The following SLF1 variants were observed in gnomAD, a reference collection of about 807,000 sequenced individuals.
SLF1 encodes the protein SMC5/6 complex localization factor 1.
SLF1 carries 105 observed loss-of-function variants against 123.0 expected under a neutral mutation model. That is an observed-to-expected ratio of 0.85 (90% confidence interval 0.73 to 1.00). The LOEUF is 1.00. SLF1 is among the 50% of genes least tolerant of loss of function. The pLI is 0.00. For synonymous variants in SLF1, 434 were observed against 406.6 expected (o/e 1.07, Z -0.81); for missense variants, 1,239 against 1,223.0 (o/e 1.01, Z -0.20).
chr5:94,682,052 G>T (rs531577266), intron 15 of SLF1, among the ~76,000 whole-genome samples: 3 of 152,224 alleles, frequency 2.0e-5, no homozygotes, highest in Admixed American at 2.0e-4. Context: ...GTGTGCACAT[G>T]TATACATTTG....
At chr5:94,666,159 A>T in intron 12 of SLF1, 135 bp downstream of exon 12, 1 of 806,996 alleles carries the variant, frequency 1.2e-6, no homozygotes, top group Non-Finnish European at 1.8e-6. Context: ...TATGTATTGT[A>T]TTTATTGCAA....
Position 94,695,082 on chromosome 5 carries a change from T to C in SLF1, c.2947T>C (p.Leu983=). 6.2e-7 allele frequency: 1 copy of C among 1,612,690 alleles called. No individual in the cohort carries two copies. The highest frequency in any genetic ancestry group is 8.5e-7 in the Non-Finnish European group (1 of 1,179,174). Residue 983 remains leucine (L), a synonymous_variant, in exon 21 of 21, where the codon TTA becomes CTA. Coordinates refer to ENST00000265140, the MANE Select transcript of SLF1 (RefSeq NM_032290.4). ...SSEFILASKG[L]THLNELLMAC... is the part of the protein sequence containing the mutation. The stretch of plus-strand genomic sequence containing the variant: ...AGAGTTCATTTTAGCTTCCAAAGGG[T>C]TAACTCATCTAAATGAACTGCTTAT...
At chr5:94,667,788 G>T (rs1749973982) in intron 12 of SLF1, among the ~76,000 whole-genome samples, 1 of 152,038 alleles carries the variant, frequency 6.6e-6, no homozygotes, top group Non-Finnish European at 1.5e-5. Flanking sequence ...ACACTCTGTT[G>T]CCCAGACTGG....
At chr5:94,626,520 A>G (rs531950665) in intron 1 of SLF1, among the ~76,000 whole-genome samples, 2 of 152,284 alleles carry the variant, frequency 1.3e-5, no homozygotes, top group African/African-American at 4.8e-5. Flanking sequence ...GTTAAAATAC[A>G]TTGTACCTCT....
At position 94,654,622 on chromosome 5, in the gene SLF1, A is replaced by T; in HGVS notation, c.1033-8A>T. On this transcript the variant is annotated splice_polypyrimidine_tract_variant and splice_region_variant and intron_variant, in intron 8 of 20. Transcript: ENST00000265140. ...TTTTCTAAAGTCATTTTACTTTGCT[A>T]TATGCAGAAAGAAATGAAGAATTCT... is the stretch of plus-strand genomic sequence containing the variant. 1.3e-6 allele frequency: 2 copies of T among 1,530,524 alleles called. No homozygotes were observed. Among genetic ancestry groups the T allele is most frequent in the Non-Finnish European group, 1.8e-6 (2 of 1,136,906 alleles). 94.8% of individuals were successfully genotyped at this position (1,530,524 alleles called of 1,614,324 possible). A position where few individuals can be genotyped will look rare whatever the true frequency, so the allele number is the denominator to read the frequency against.
At chr5:94,636,638 T>C (rs1001815721) in intron 4 of SLF1, among the ~76,000 whole-genome samples, 8 of 152,090 alleles carry the variant, frequency 5.3e-5, no homozygotes, top group Non-Finnish European at 1.2e-4. Flanking sequence ...TTTGTCAGAC[T>C]TCTTGTTTTG....
chr5:94,670,030 T>C, intron 12 of SLF1, 121 bp from the exon 13 acceptor site: 7 of 1,046,064 alleles, frequency 6.7e-6, no homozygotes, highest in Non-Finnish European at 9.1e-6. Flanking sequence ...TTTGTTGAAC[T>C]TTCTATTTTA....
At chr5:94,623,854 A>T (rs542541071) in intron 1 of SLF1, among the ~76,000 whole-genome samples, 1 of 152,156 alleles carries the variant, frequency 6.6e-6, no homozygotes, top group African/African-American at 2.4e-5. Flanking sequence ...TTTTATAAAT[A>T]AATCAATCAG....
At chr5:94,647,262 G>A (rs545086814) in intron 5 of SLF1, among the ~76,000 whole-genome samples, 1 of 152,268 alleles carries the variant, frequency 6.6e-6, no homozygotes, top group South Asian at 2.1e-4. Context: ...AAGCATCAGG[G>A]TATAAGTACA....
chr5:94,628,705 A>G (rs950197070), intron 1 of SLF1, 106 bp from the exon 2 acceptor site: 3 of 578,870 alleles, frequency 5.2e-6, no homozygotes, highest in Non-Finnish European at 8.5e-6. Flanking sequence ...AATTCATTGT[A>G]TGTTTAATAG....
rs933054858 is a variant in SLF1, at chr5:94,669,786, C to T, written c.1533-365C>T. Among the ~76,000 whole-genome samples the T allele has an allele frequency of 3.3e-5, 5 of 151,836 alleles. No homozygotes were observed. In the East Asian group the frequency reaches 9.7e-4, roughly 29 times the overall value. ...TGGGTAAGAAAGAGGAGGATTCTGG[C>T]GAGTATTATAAATTGAGAGGTTAGC... On this transcript the variant is annotated intron_variant, in intron 12 of 20. Transcript: ENST00000265140.
Position 94,623,017 on chromosome 5 carries a change from G to A in SLF1, c.-1+4252G>A, listed in dbSNP as rs757779212. On this transcript the variant is annotated intron_variant, in intron 1 of 20. Transcript: ENST00000265140. ...CTTTTGTATTCATATCTGTATTCCT[G>A]TCTTTCCTTGTCTCTGAGCTCAATT... 2.0e-5 allele frequency among the ~76,000 whole-genome samples: 3 copies of A among 151,906 alleles called. No homozygotes were observed. In the East Asian group the frequency reaches 5.8e-4, roughly 29 times the overall value.
intron 12 of SLF1, among the ~76,000 whole-genome samples, chr5:94,668,933 A>G (rs915727320): frequency 1.3e-5 from 2 of 152,188 alleles, no homozygotes; most frequent in African/African-American, 4.8e-5. Flanking sequence ...GAAGGTGTTC[A>G]GTCTTAAATA....
intron 1 of SLF1, 107 bp from the exon 2 acceptor site, chr5:94,628,704 T>C (rs1259381765): frequency 1.1e-5 from 6 of 570,656 alleles, no homozygotes; most frequent in Admixed American, 7.8e-5. Context: ...TAATTCATTG[T>C]ATGTTTAATA....
intron 3 of SLF1, 76 bp from the exon 4 acceptor site, chr5:94,630,427 T>C: frequency 1.4e-6 from 2 of 1,435,046 alleles, no homozygotes; most frequent in Non-Finnish European, 1.9e-6. Flanking sequence ...AGGTTGACTT[T>C]TATATTTGAT....
intron 14 of SLF1, among the ~76,000 whole-genome samples, chr5:94,673,598 G>C (rs1487251576): frequency 6.6e-6 from 1 of 151,716 alleles, no homozygotes; most frequent in African/African-American, 2.4e-5. Flanking sequence ...GCTGCCCTGG[G>C]AGGATTGCTT....
intron 14 of SLF1, among the ~76,000 whole-genome samples, chr5:94,678,142 A>G (rs1414892387): frequency 3.3e-5 from 5 of 152,140 alleles, no homozygotes; most frequent in East Asian, 1.9e-4. Context: ...GGATAGTCTC[A>G]ATCTCCTGAC....
In SLF1 at chr5:94,695,336, C is replaced by G. The variant is rs1753452703; in HGVS notation, c.*24C>G. The G allele has an allele frequency of 6.4e-7, 1 of 1,573,924 alleles. No individual in the cohort carries two copies. The highest frequency in any genetic ancestry group is 8.6e-7 in the Non-Finnish European group (1 of 1,159,758). On this transcript the variant is annotated 3_prime_UTR_variant, in exon 21 of 21. Coordinates refer to ENST00000265140, the MANE Select transcript of SLF1 (RefSeq NM_032290.4). Reference sequence around the variant, plus strand: ...GATGATGCTAGAAAGTATGGATTGACTTTCTAAATCTGTTCAGTTTGCATT... The same window carrying G: ...GATGATGCTAGAAAGTATGGATTGAGTTTCTAAATCTGTTCAGTTTGCATT...
intron 4 of SLF1, among the ~76,000 whole-genome samples, chr5:94,640,703 T>C (rs1746345858): frequency 6.6e-6 from 1 of 152,240 alleles, no homozygotes; most frequent in African/African-American, 2.4e-5. Context: ...ATAATTCTAT[T>C]GACCAATCTT....
Sources: gnomAD v4.1 joint callset for allele counts (sites outside exome capture counted in the v4.1 genomes callset) on GRCh38, gnomAD v4.1.1 for gene constraint, MANE v1.5 for transcripts, NCBI Gene and HGNC (gene_info 2026-07-23, HGNC 2026-07-21) for gene names.